The following PIK3R3 variants were observed in gnomAD, a reference collection of about 807,000 sequenced individuals.
PIK3R3 encodes phosphatidylinositol 3-kinase regulatory subunit gamma.
A neutral mutation model predicts 62.9 loss-of-function variants in PIK3R3; 64 were observed. The ratio of observed to expected loss-of-function variants is 1.02; its 90% CI spans 0.83 to 1.25. The LOEUF (loss-of-function observed/expected upper bound fraction) is 1.25. Among genes scored for constraint, PIK3R3 ranks in the 50% most tolerant of loss-of-function variants. The probability of loss-of-function intolerance (pLI) is 0.00; values close to 1 mark genes in which losing one functional copy is unlikely to be tolerated. For missense variants in PIK3R3, 614 were observed against 561.6 expected (o/e 1.09, Z -0.94); for synonymous variants, 165 against 189.0 (o/e 0.87, Z 1.04).
chr1:46,102,366 T>A (rs1652778793), intron 1 of PIK3R3, among the ~76,000 whole-genome samples: 2 of 152,224 alleles, frequency 1.3e-5, no homozygotes, highest in Non-Finnish European at 2.9e-5. Flanking sequence ...ACATTTGTTA[T>A]CTGCTACTTG....
intron 1 of PIK3R3, among the ~76,000 whole-genome samples, chr1:46,130,633 A>G (rs1283954946): frequency 6.6e-6 from 1 of 152,212 alleles, no homozygotes; most frequent in Non-Finnish European, 1.5e-5. Context: ...CTTCTATAAG[A>G]CAGTTACACT....
At chr1:46,132,893 C>G, upstream of PIK3R3, 1 of 1,193,150 alleles carries the variant, frequency 8.4e-7, no homozygotes, top group Non-Finnish European at 1.1e-6. Context: ...GCCATCCGCG[C>G]TCTCCCCCAG....
At chr1:46,083,212 G>T (rs1650766018) in intron 1 of PIK3R3, among the ~76,000 whole-genome samples, 1 of 152,118 alleles carries the variant, frequency 6.6e-6, no homozygotes, top group Admixed American at 6.5e-5. Context: ...CATGCAAAAA[G>T]AATGAAGTTG....
chr1:46,075,897 G>A (rs1650026072), intron 3 of PIK3R3, among the ~76,000 whole-genome samples: 1 of 152,218 alleles, frequency 6.6e-6, no homozygotes, highest in Non-Finnish European at 1.5e-5. Context: ...TGAAGGCCTT[G>A]AGAACCCATA....
chr1:46,094,346 G>C (rs1001984198), intron 1 of PIK3R3, among the ~76,000 whole-genome samples: 1 of 152,054 alleles, frequency 6.6e-6, no homozygotes, highest in Non-Finnish European at 1.5e-5. Flanking sequence ...TTGGATGTTA[G>C]GATATAATCT....
chr1:46,111,976 G>C (rs1653781406), intron 1 of PIK3R3, among the ~76,000 whole-genome samples: 1 of 152,092 alleles, frequency 6.6e-6, no homozygotes, highest in Non-Finnish European at 1.5e-5. Flanking sequence ...CCTTAAGCCA[G>C]TAGTTGTTTT....
intron 1 of PIK3R3, 180 bp downstream of exon 1, chr1:46,131,667 T>C (rs771492651): frequency 2.1e-6 from 1 of 478,814 alleles, no homozygotes; most frequent in East Asian, 6.1e-5. Context: ...AGGATCAGGG[T>C]CCTAACTGCA....
chr1:46,055,990 T>C lies in PIK3R3; in HGVS notation c.765-19A>G. On this transcript the variant is annotated intron_variant, in intron 6 of 9. Coordinates refer to ENST00000262741, the MANE Select transcript of PIK3R3 (RefSeq NM_003629.4). ...CATAATTCTGTAAAAATATTTGACA[T>C]GTTAAGGCTAAAATAGAAATCAAGC... 1 of 1,531,048 alleles carries C rather than the reference T, an allele frequency of 6.5e-7. No individual in the cohort carries two copies. The highest frequency in any genetic ancestry group is 8.9e-7 in the Non-Finnish European group (1 of 1,125,304). The allele number at this position is 1,531,048 out of a possible 1,614,324, so 94.8% of individuals were successfully genotyped here.
intron 1 of PIK3R3, among the ~76,000 whole-genome samples, chr1:46,129,749 C>G (rs1655416426): frequency 6.6e-6 from 1 of 152,124 alleles, no homozygotes; most frequent in South Asian, 2.1e-4. Context: ...CCATGAAAAA[C>G]CATTCACTTC....
intron 1 of PIK3R3, among the ~76,000 whole-genome samples, chr1:46,102,492 C>T (rs1652789722): frequency 6.6e-6 from 1 of 151,952 alleles, no homozygotes; most frequent in African/African-American, 2.4e-5. Context: ...CCATTAAATA[C>T]TTAAATGAGA....
At chr1:46,058,722 AC>A (rs1182724831) in intron 6 of PIK3R3, among the ~76,000 whole-genome samples, 1 of 152,020 alleles carries the variant, frequency 6.6e-6, no homozygotes, top group Non-Finnish European at 1.5e-5. Flanking sequence ...CAATGTCTGT[AC>A]CCCCACTGTA....
At chr1:46,062,503 A>G (rs1571386696) in intron 5 of PIK3R3, among the ~76,000 whole-genome samples, 2 of 152,198 alleles carry the variant, frequency 1.3e-5, no homozygotes, top group African/African-American at 2.4e-5. Flanking sequence ...TGAACCCGGA[A>G]GGCAGAGGTT....
intron 5 of PIK3R3, among the ~76,000 whole-genome samples, chr1:46,065,414 A>G (rs1012345479): frequency 1.1e-4 from 16 of 152,236 alleles, no homozygotes; most frequent in Non-Finnish European, 2.1e-4. Context: ...TAAGTCTACT[A>G]GTAAGCCCAC....
chr1:46,046,089 C>T lies in PIK3R3; in HGVS notation c.1017-1G>A. On this transcript the variant is annotated splice_acceptor_variant, in intron 8 of 9. Transcript: ENST00000262741. LOFTEE classifies it high-confidence loss of function. Reference sequence around the variant, plus strand: ...ATCTTCCTCATTGATAAAATAGTTCCTAAAAATTAAATATTAGTATATTAT... The same window carrying T: ...ATCTTCCTCATTGATAAAATAGTTCTTAAAAATTAAATATTAGTATATTAT... 1 of 1,551,104 alleles carries T rather than the reference C, an allele frequency of 6.4e-7. No individual in the cohort carries two copies. Among genetic ancestry groups the T allele is most frequent in the Non-Finnish European group, 8.8e-7 (1 of 1,131,450 alleles).
rs1647002998 is a variant in PIK3R3, at chr1:46,041,853, C to T, written c.*1820G>A. The T allele has an allele frequency of 4.7e-6, 1 of 213,192 alleles. No individual in the cohort carries two copies. The highest frequency in any genetic ancestry group is 9.5e-6 in the Non-Finnish European group (1 of 105,414). 13.2% of individuals were successfully genotyped at this position (213,192 alleles called of 1,614,324 possible). A position where few individuals can be genotyped will look rare whatever the true frequency, so the allele number is the denominator to read the frequency against. ...AAGCCAAAGAGAAGCACTTCCCTTT[C>T]TATCCTCGTCACTAGTAACTGGAGG... On this transcript the variant is annotated 3_prime_UTR_variant, in exon 10 of 10. Transcript: ENST00000262741.
chr1:46,173,522 A>C, the PIK3R3 span, among the ~76,000 whole-genome samples: 1 of 152,188 alleles, frequency 6.6e-6, no homozygotes, highest in Admixed American at 6.5e-5. Flanking sequence ...CAGCTAACCC[A>C]GGCCCTTCCA....
In PIK3R3 at chr1:46,061,954, C is replaced by T. The variant is rs1263004774; in HGVS notation, c.739G>A (p.Glu247Lys). 1 of 1,613,624 alleles carries T rather than the reference C, an allele frequency of 6.2e-7. No individual in the cohort carries two copies. Among genetic ancestry groups the T allele is most frequent in the Admixed American group, 1.7e-5 (1 of 60,018 alleles). Residue 247 changes from glutamate (E) to lysine (K), a missense_variant, in exon 6 of 10, where the codon GAG becomes AAG. By Grantham distance (56) the Glu-to-Lys change is moderately conservative. Coordinates refer to ENST00000262741, the MANE Select transcript of PIK3R3 (RefSeq NM_003629.4). ...SKEYIERFRREGNEKEIERIM... is the reference protein window; with the variant it reads ...SKEYIERFRRKGNEKEIERIM... ...CGTTCAATCTCCTTTTCATTCCCCT[C>T]TCTGCGAAATCGCTCAATATATTCT...
chr1:46,053,131 C>G (rs1262251729), intron 7 of PIK3R3, among the ~76,000 whole-genome samples: 2 of 152,184 alleles, frequency 1.3e-5, no homozygotes, highest in Admixed American at 6.5e-5. Flanking sequence ...CTCCTGGAAG[C>G]AGCCCTTCCA....
intron 7 of PIK3R3, 28 bp from the exon 8 acceptor site, chr1:46,046,653 T>C (rs1167240068): frequency 2.0e-6 from 3 of 1,524,326 alleles, no homozygotes; most frequent in Non-Finnish European, 2.7e-6. Flanking sequence ...CCAGTGTCAG[T>C]ATCCATGCAA....
Sources: allele counts gnomAD v4.1 joint callset (sites outside exome capture counted in the v4.1 genomes callset), GRCh38; gene constraint gnomAD v4.1.1; transcripts MANE v1.5; gene names NCBI Gene and HGNC (gene_info 2026-07-23, HGNC 2026-07-21).